Variants in FAM135B observed in about 807,000 individuals in gnomAD.
The protein encoded by FAM135B is family with sequence similarity 135 member B, also known as protein FAM135B.
A neutral mutation model predicts 127.7 loss-of-function variants in FAM135B; 43 were observed. The observed-to-expected ratio is 0.34, with a 90% CI of 0.26 to 0.43. FAM135B has a LOEUF of 0.43. Among genes scored for constraint, FAM135B ranks in the 20% least tolerant of loss-of-function variants. The pLI is 1.00. For missense variants in FAM135B, 1,558 were observed against 1,725.6 expected (o/e 0.90, Z 1.72); for synonymous variants, 670 against 665.1 (o/e 1.01, Z -0.11).
chr8:138,198,918 C>T (rs912103560), intron 7 of FAM135B, among the ~76,000 whole-genome samples: 2 of 152,214 alleles, frequency 1.3e-5, no homozygotes, highest in African/African-American at 4.8e-5. Flanking sequence ...TGCCCATCTA[C>T]TGTTCACATG....
intron 3 of FAM135B, among the ~76,000 whole-genome samples, chr8:138,299,264 T>C (rs1241113242): frequency 2.0e-5 from 3 of 152,114 alleles, no homozygotes; most frequent in Non-Finnish European, 4.4e-5. Context: ...TTTTCAAAAT[T>C]AGTTACCTCC....
intron 2 of FAM135B, among the ~76,000 whole-genome samples, chr8:138,344,573 C>CTTTATT (rs869311243): frequency 8.8e-6 from 1 of 113,614 alleles, no homozygotes; most frequent in Non-Finnish European, 1.8e-5. Context: ...CACTTTCTTT[C>CTTTATT]TTTCTTTTTT....
At chr8:138,145,878 T>A in intron 15 of FAM135B, 81 bp downstream of exon 15, 2 of 762,712 alleles carry the variant, frequency 2.6e-6, no homozygotes, top group Non-Finnish European at 4.6e-6. Context: ...TGTGTGTCCA[T>A]AAATTATCAT....
intron 7 of FAM135B, among the ~76,000 whole-genome samples, chr8:138,221,985 A>T (rs1819054992): frequency 6.6e-6 from 1 of 152,236 alleles, no homozygotes; most frequent in African/African-American, 2.4e-5. Context: ...AGAAAAATCA[A>T]TCAGTAGAAA....
intron 7 of FAM135B, among the ~76,000 whole-genome samples, chr8:138,209,236 C>A (rs1164603918): frequency 2.6e-5 from 4 of 152,182 alleles, no homozygotes; most frequent in African/African-American, 7.2e-5. Flanking sequence ...ATCTGGGTCA[C>A]AAACACATAA....
Position 138,243,169 on chromosome 8 carries a change from T to C in FAM135B, c.543-101A>G, listed in dbSNP as rs537240683. The C allele has an allele frequency of 6.6e-5, 93 of 1,403,522 alleles. 1 individual carries two copies. The South Asian group carries it at 1.2e-3, about 18-fold the overall frequency. The allele number at this position is 1,403,522 out of a possible 1,614,324, so 86.9% of individuals were successfully genotyped here. On this transcript the variant is annotated intron_variant, in intron 6 of 19. Coordinates refer to ENST00000395297, the MANE Select transcript of FAM135B (RefSeq NM_015912.4). This position sits in a 1 kb window ranked among gnomAD's most constrained non-coding sequence, Gnocchi z 7.5. Reference sequence around the variant, plus strand: ...GAGTGTTCCTGTGAAGCATTTGGGATAAGTCATTTAGGAGTAGTTCACCCC... The same window carrying C: ...GAGTGTTCCTGTGAAGCATTTGGGACAAGTCATTTAGGAGTAGTTCACCCC...
At chr8:138,424,302 T>C (rs938115129) in intron 1 of FAM135B, among the ~76,000 whole-genome samples, 1 of 152,218 alleles carries the variant, frequency 6.6e-6, no homozygotes, top group Non-Finnish European at 1.5e-5. Context: ...TAAGAAATTA[T>C]AAAAGTATTA....
chr8:138,378,586 T>G (rs1397755117), intron 1 of FAM135B, among the ~76,000 whole-genome samples: 1 of 152,224 alleles, frequency 6.6e-6, no homozygotes, highest in Non-Finnish European at 1.5e-5. Flanking sequence ...AGGGCCTCCC[T>G]GCTGATTAGG....
intron 2 of FAM135B, among the ~76,000 whole-genome samples, chr8:138,316,836 C>T (rs1338720571): frequency 6.6e-6 from 1 of 151,838 alleles, no homozygotes; most frequent in African/African-American, 2.4e-5. Context: ...AAAAGTAAGC[C>T]GGGCGTGGTG....
intron 12 of FAM135B, among the ~76,000 whole-genome samples, chr8:138,156,769 G>C (rs1818796475): frequency 6.6e-6 from 1 of 152,166 alleles, no homozygotes. Context: ...TCTCTGAATA[G>C]ATCAATAACA....
intron 7 of FAM135B, among the ~76,000 whole-genome samples, chr8:138,229,164 G>C (rs1198027436): frequency 1.3e-5 from 2 of 152,100 alleles, no homozygotes; most frequent in Non-Finnish European, 2.9e-5. Flanking sequence ...CATTTAAGGA[G>C]TTTTATGAGG....
rs1195763121 is a variant in FAM135B at position 138,135,536 on chromosome 8, C to CT, written c.4015+1610_4015+1611insA. Among the ~76,000 whole-genome samples, 70 of 150,012 alleles carry CT rather than the reference C, an allele frequency of 4.7e-4. No homozygotes were observed. The South Asian group carries it at 0.014, about 30-fold the overall frequency. On this transcript the variant is annotated intron_variant, in intron 19 of 19. Coordinates refer to ENST00000395297, the MANE Select transcript of FAM135B (RefSeq NM_015912.4). ...TTAAATTAATATTTAATCTGAGAGA[C>CT]AGTAGAGTGAGATAGGCAGGCACGA... is the stretch of plus-strand genomic sequence containing the variant.
intron 1 of FAM135B, chr8:138,440,528 A>C (rs1835701025): frequency 6.6e-6 from 1 of 152,204 alleles, no homozygotes; most frequent in African/African-American, 2.4e-5. Context: ...GCATTGTCTA[A>C]ATCATATCTA....
rs1198091622 is a variant in FAM135B, at chr8:138,439,495, T to A, written c.-20+57176A>T. The A allele has an allele frequency of 2.0e-5, 3 of 152,178 alleles. No homozygotes were observed. In the East Asian group the frequency reaches 5.8e-4, roughly 29 times the overall value. 9.4% of individuals were successfully genotyped at this position (152,178 alleles called of 1,614,324 possible). A position where few individuals can be genotyped will look rare whatever the true frequency, so the allele number is the denominator to read the frequency against. ...GGTAAAGCTTCATAGGCCGACCTCA[T>A]AACATCAGAGGAGGACATTTCCTAG... On this transcript the variant is annotated intron_variant, in intron 1 of 19. Coordinates refer to ENST00000395297, the MANE Select transcript of FAM135B (RefSeq NM_015912.4).
intron 1 of FAM135B, among the ~76,000 whole-genome samples, chr8:138,376,560 C>T (rs1587283044): frequency 6.6e-6 from 1 of 152,178 alleles, no homozygotes; most frequent in Non-Finnish European, 1.5e-5. Flanking sequence ...GCATTGTATA[C>T]TCCATCAACT....
rs200745364 is a variant in FAM135B at position 138,367,963 on chromosome 8, C to T, written c.21G>A (p.Thr7=). 3.8e-5 allele frequency: 61 copies of T among 1,613,714 alleles called. No individual in the cohort carries two copies. The highest frequency in any genetic ancestry group is 2.9e-4 in the East Asian group (13 of 44,892). The part of the protein sequence containing the change: MSEIQG[T]VEFSVELHKF... ...TATGTAGCTCTACCGAAAACTCAAC[C>T]GTTCCTTGTATTTCAGACATGATCT... The change falls in exon 2 of 20, where the codon ACG becomes ACA. Residue 7 remains threonine, a synonymous_variant. Coordinates refer to ENST00000395297, the MANE Select transcript of FAM135B (RefSeq NM_015912.4).
At chr8:138,438,194 C>CT (rs1835563443) in intron 1 of FAM135B, 1 of 152,112 alleles carries the variant, frequency 6.6e-6, no homozygotes, top group Admixed American at 6.6e-5. Context: ...ATTATAACAG[C>CT]TTTTTTTAAA....
chr8:138,235,073 T>C (rs996047649), intron 7 of FAM135B, among the ~76,000 whole-genome samples: 1 of 152,216 alleles, frequency 6.6e-6, no homozygotes, highest in South Asian at 2.1e-4. Context: ...ATCAAAACTT[T>C]CCTTTGGTCC....
intron 9 of FAM135B, among the ~76,000 whole-genome samples, chr8:138,186,234 C>T (rs537018534): frequency 2.0e-5 from 3 of 152,170 alleles, no homozygotes; most frequent in Non-Finnish European, 4.4e-5. Context: ...GTGAACAAAT[C>T]TATTTCTCAT....
Sources: gnomAD v4.1 joint callset for allele counts (sites outside exome capture counted in the v4.1 genomes callset) on GRCh38, gnomAD v4.1.1 for gene constraint, Gnocchi (gnomAD v3.1) non-coding constraint, MANE v1.5 for transcripts, NCBI Gene and HGNC (gene_info 2026-07-23, HGNC 2026-07-21) for gene names.